CSMD1: variants seen among roughly 807,000 people sequenced by gnomAD.
CSMD1 encodes the protein CUB and Sushi multiple domains 1.
Under a neutral mutation model 417.5 loss-of-function variants are expected in CSMD1, and 213 were observed. The ratio of observed to expected loss-of-function variants is 0.51; its 90% CI spans 0.46 to 0.57. The LOEUF (loss-of-function observed/expected upper bound fraction) is 0.57. Ranked by LOEUF, CSMD1 falls within the 20% of genes least tolerant of loss-of-function variation. The pLI, the probability that CSMD1 is intolerant of heterozygous loss-of-function variation, is 0.00. For missense variants in CSMD1, 6,923 were observed against 4,529.7 expected (o/e 1.53, Z -15.17); for synonymous variants, 2,862 against 1,736.8 (o/e 1.65, Z -16.11).
intron 11 of CSMD1, among the ~76,000 whole-genome samples, chr8:3,487,158 G>A (rs4319127): frequency 0.024 from 3,615 of 152,118 alleles, 232 homozygotes; most frequent in East Asian, 0.23. Flanking sequence ...TAACTGGGCC[G>A]CTCTCTTCAG....
chr8:3,315,732 C>A (rs1476829361), intron 23 of CSMD1, among the ~76,000 whole-genome samples: 1 of 152,026 alleles, frequency 6.6e-6, no homozygotes, highest in Non-Finnish European at 1.5e-5. Flanking sequence ...CATCAAAAAG[C>A]CTGTAAATGT....
intron 3 of CSMD1, among the ~76,000 whole-genome samples, chr8:4,333,233 A>C (rs1036102497): frequency 7.9e-5 from 12 of 152,120 alleles, no homozygotes; most frequent in Non-Finnish European, 1.5e-4. Flanking sequence ...CACCCTGCCT[A>C]GTGACCCTGG....
intron 3 of CSMD1, among the ~76,000 whole-genome samples, chr8:4,044,274 A>T (rs1305510614): frequency 1.3e-5 from 2 of 152,184 alleles, no homozygotes; most frequent in African/African-American, 4.8e-5. Context: ...AAAATATAAA[A>T]ATGGCAAAGG....
chr8:3,356,255 T>C (rs1808783542), intron 21 of CSMD1, among the ~76,000 whole-genome samples: 1 of 152,232 alleles, frequency 6.6e-6, no homozygotes, highest in South Asian at 2.1e-4. Flanking sequence ...CATGGATGAA[T>C]CAAATTTTTG....
intron 49 of CSMD1, among the ~76,000 whole-genome samples, chr8:3,076,059 G>GA (rs150360282): frequency 0.35 from 47,831 of 136,696 alleles, 7,958 homozygotes; most frequent in African/African-American, 0.41. Context: ...TCAAAAAAAA[G>GA]AAAAAAAAAA....
intron 11 of CSMD1, among the ~76,000 whole-genome samples, chr8:3,476,257 C>G (rs1817411665): frequency 1.3e-5 from 2 of 152,172 alleles, no homozygotes; most frequent in South Asian, 4.1e-4. Context: ...CAACATAACC[C>G]ACTGAAATTC....
chr8:3,436,771 A>G (rs1287757746), intron 12 of CSMD1, among the ~76,000 whole-genome samples: 1 of 152,204 alleles, frequency 6.6e-6, no homozygotes, highest in East Asian at 1.9e-4. Flanking sequence ...AGGCTTAAAA[A>G]AAGATATTTT....
chr8:3,269,117 G>C (rs1011327272), intron 26 of CSMD1, among the ~76,000 whole-genome samples: 1 of 152,188 alleles, frequency 6.6e-6, no homozygotes, highest in Non-Finnish European at 1.5e-5. Flanking sequence ...TAGAACTTCA[G>C]CTAAACCAGC....
chr8:4,914,583 GAAAAAAAAA>G (rs59293226), intron 1 of CSMD1, among the ~76,000 whole-genome samples: 3 of 133,684 alleles, frequency 2.2e-5, no homozygotes, highest in African/African-American at 8.5e-5. Context: ...CTCCCAAAAA[GAAAAAAAAA>G]AAAAAAAAAA....
At chr8:4,524,096 C>T (rs1199116078) in intron 2 of CSMD1, among the ~76,000 whole-genome samples, 2 of 151,926 alleles carry the variant, frequency 1.3e-5, no homozygotes, top group Non-Finnish European at 2.9e-5. Context: ...CTGGAATAGT[C>T]CCAAGAAAAA....
intron 18 of CSMD1, among the ~76,000 whole-genome samples, chr8:3,370,418 T>C (rs1452798439): frequency 1.3e-5 from 2 of 152,066 alleles, no homozygotes; most frequent in African/African-American, 2.4e-5. Context: ...CCACCTGCAG[T>C]TGTGAGGCCT....
chr8:4,746,944 T>C (rs894066983), intron 1 of CSMD1, among the ~76,000 whole-genome samples: 17 of 152,176 alleles, frequency 1.1e-4, no homozygotes, highest in African/African-American at 4.1e-4. Context: ...ATGATTCAAA[T>C]GCCATCCCAA....
intron 10 of CSMD1, among the ~76,000 whole-genome samples, chr8:3,524,372 C>T (rs556615091): frequency 1.4e-5 from 2 of 147,066 alleles, no homozygotes; most frequent in South Asian, 4.2e-4. Flanking sequence ...CACACAAGTG[C>T]ACACATGCAC....
intron 36 of CSMD1, among the ~76,000 whole-genome samples, chr8:3,181,935 G>C (rs550362806): frequency 6.6e-6 from 1 of 152,248 alleles, no homozygotes; most frequent in Admixed American, 6.5e-5. Flanking sequence ...CATTTTGGTG[G>C]AATGAATCAT....
rs1192439728 is a variant in CSMD1 at position 4,913,203 on chromosome 8, T to C, written c.85+81129A>G. ...AAAGATTAGGTTGGTGCAAACCTAG[T>C]AGCGTTGCTGTTAGGTACATCCCAA... On this transcript the variant is annotated intron_variant, in intron 1 of 69. Transcript: ENST00000635120. 2.6e-5 allele frequency among the ~76,000 whole-genome samples: 4 copies of C among 152,198 alleles called. No individual in the cohort carries two copies. In the East Asian group the frequency reaches 5.8e-4, roughly 22 times the overall value.
chr8:3,151,675 T>C (rs1202816579), intron 39 of CSMD1, among the ~76,000 whole-genome samples, 162 bp from the exon 40 acceptor site: 1 of 152,236 alleles, frequency 6.6e-6, no homozygotes, highest in African/African-American at 2.4e-5. Flanking sequence ...CTTAGTTATT[T>C]ATGAGCTGTG....
intron 3 of CSMD1, among the ~76,000 whole-genome samples, chr8:4,156,231 G>T (rs568581482): frequency 6.6e-6 from 1 of 152,276 alleles, no homozygotes; most frequent in African/African-American, 2.4e-5. Context: ...TGGGGTGGTA[G>T]CAAAATCTTT....
At chr8:3,015,053 T>C (rs980676605) in intron 52 of CSMD1, among the ~76,000 whole-genome samples, 2 of 151,856 alleles carry the variant, frequency 1.3e-5, no homozygotes, top group African/African-American at 4.8e-5. Context: ...ACCTAATATG[T>C]ATCCATAAAA....
At chr8:3,849,175 CTTAG>C (rs1311921746) in intron 5 of CSMD1, among the ~76,000 whole-genome samples, 1 of 152,016 alleles carries the variant, frequency 6.6e-6, no homozygotes, top group African/African-American at 2.4e-5. Context: ...ATGACATTAA[CTTAG>C]TTTGAATGAA....
Sources: allele counts gnomAD v4.1 joint callset (sites outside exome capture counted in the v4.1 genomes callset), GRCh38; gene constraint gnomAD v4.1.1; transcripts MANE v1.5; gene names NCBI Gene and HGNC (gene_info 2026-07-23, HGNC 2026-07-21).